The following IMMP2L variants were observed in gnomAD, a reference collection of about 807,000 sequenced individuals.
The protein encoded by IMMP2L is mitochondrial inner membrane protease subunit 2.
IMMP2L carries 18 observed loss-of-function variants against 19.3 expected under a neutral mutation model. The observed-to-expected ratio is 0.93, with a 90% CI of 0.64 to 1.38. The LOEUF is 1.38. Ranked by LOEUF, IMMP2L falls within the 40% of genes most tolerant of loss-of-function variation. The pLI, the probability that IMMP2L is intolerant of heterozygous loss-of-function variation, is 0.00. For synonymous variants in IMMP2L, 76 were observed against 73.0 expected, an observed-to-expected ratio of 1.04 and a Z score of -0.21; for missense variants, 233 against 218.2, an observed-to-expected ratio of 1.07 and a Z score of -0.43.
At chr7:111,440,129 C>A (rs565439925) in intron 3 of IMMP2L, among the ~76,000 whole-genome samples, 2 of 152,028 alleles carry the variant, frequency 1.3e-5, no homozygotes, top group East Asian at 3.9e-4. Flanking sequence ...TTAAAACCCT[C>A]AAAGGATCAA....
intron 3 of IMMP2L, among the ~76,000 whole-genome samples, chr7:111,197,355 C>A (rs557336924): frequency 6.6e-6 from 1 of 151,834 alleles, no homozygotes; most frequent in South Asian, 2.1e-4. Flanking sequence ...CCCAGCTACT[C>A]GGGAGGCTGA....
At chr7:110,666,264 CTTGTTTGTTTGT>C (rs144304704) in intron 5 of IMMP2L, among the ~76,000 whole-genome samples, 24 of 151,774 alleles carry the variant, frequency 1.6e-4, no homozygotes, top group Admixed American at 1.0e-3. Context: ...GCCTTGGTTT[CTTGTTTGTTTGT>C]TTGTTTGTTT....
rs1798085098 is a variant in IMMP2L, at chr7:110,757,179, G to T, written c.409-93458C>A. ...AAAATAAAGTCAGAAAGAGGCATAG[G>T]GAGGGAATCCAGTGTTGGAGGCAAG... On this transcript the variant is annotated intron_variant, in intron 5 of 5. Coordinates refer to ENST00000405709, the MANE Select transcript of IMMP2L (RefSeq NM_032549.4). This position sits in a 1 kb window ranked among gnomAD's most constrained non-coding sequence, Gnocchi z 4.2. Among the ~76,000 whole-genome samples, 1 of 152,014 alleles carries T rather than the reference G, an allele frequency of 6.6e-6. No individual in the cohort carries two copies. Among genetic ancestry groups the T allele is most frequent in the Admixed American group, 6.6e-5 (1 of 15,218 alleles).
chr7:111,522,945 A>G (rs1277053891), intron 1 of IMMP2L, among the ~76,000 whole-genome samples: 1 of 150,296 alleles, frequency 6.7e-6, no homozygotes, highest in Non-Finnish European at 1.5e-5. Context: ...ATATTATTTC[A>G]CCATAAAAAA....
chr7:110,824,136 T>G (rs1045436079), intron 5 of IMMP2L, among the ~76,000 whole-genome samples: 6 of 152,136 alleles, frequency 3.9e-5, no homozygotes, highest in African/African-American at 1.2e-4. Flanking sequence ...TAGTTTACAT[T>G]ATAATTATGG....
At chr7:111,016,382 A>C (rs1391401207) in intron 3 of IMMP2L, among the ~76,000 whole-genome samples, 1 of 141,670 alleles carries the variant, frequency 7.1e-6, no homozygotes, top group African/African-American at 2.6e-5. Context: ...TTTTTATATG[A>C]TATATATTTT....
chr7:111,228,428 CA>C (rs1473247384), intron 3 of IMMP2L, among the ~76,000 whole-genome samples: 4 of 150,724 alleles, frequency 2.7e-5, no homozygotes, highest in African/African-American at 9.7e-5. Context: ...TAAAAAAAAT[CA>C]AAGGTGTCAA....
At chr7:110,842,303 C>A (rs1227788550) in intron 5 of IMMP2L, among the ~76,000 whole-genome samples, 1 of 152,156 alleles carries the variant, frequency 6.6e-6, no homozygotes, top group Non-Finnish European at 1.5e-5. Flanking sequence ...TAATTAGCTC[C>A]TCTGCACTGT....
At chr7:111,417,897 C>T (rs1283254473) in intron 3 of IMMP2L, among the ~76,000 whole-genome samples, 1 of 151,790 alleles carries the variant, frequency 6.6e-6, no homozygotes, top group East Asian at 1.9e-4. Context: ...AAATCTGCAG[C>T]TGTTCTATAA....
At chr7:110,842,848 T>C (rs1174928294) in intron 5 of IMMP2L, among the ~76,000 whole-genome samples, 1 of 152,130 alleles carries the variant, frequency 6.6e-6, no homozygotes, top group Non-Finnish European at 1.5e-5. Context: ...GAAAAGAAGC[T>C]TAATTGCAGG....
At chr7:111,302,398 G>A (rs969105232) in intron 3 of IMMP2L, among the ~76,000 whole-genome samples, 1 of 152,118 alleles carries the variant, frequency 6.6e-6, no homozygotes, top group African/African-American at 2.4e-5. Flanking sequence ...ACATAGAATA[G>A]TGCTTGACGT....
chr7:110,771,481 C>A (rs1392969996), intron 5 of IMMP2L, among the ~76,000 whole-genome samples: 1 of 152,118 alleles, frequency 6.6e-6, no homozygotes, highest in African/African-American at 2.4e-5. Context: ...TGCCTGACTC[C>A]CAGCTTTGCC....
chr7:111,170,617 T>A (rs1806328489), intron 3 of IMMP2L, among the ~76,000 whole-genome samples: 1 of 151,666 alleles, frequency 6.6e-6, no homozygotes, highest in African/African-American at 2.4e-5. Flanking sequence ...GAAAAGATAA[T>A]CCTACAAATC....
chr7:111,442,562 A>AG (rs753035124), intron 3 of IMMP2L, among the ~76,000 whole-genome samples: 21 of 151,790 alleles, frequency 1.4e-4, no homozygotes, highest in Non-Finnish European at 2.4e-4. Context: ...GATGGCTACA[A>AG]GATACATCTC....
intron 5 of IMMP2L, among the ~76,000 whole-genome samples, chr7:110,831,034 A>G (rs1394016307): frequency 6.6e-6 from 1 of 152,002 alleles, no homozygotes; most frequent in Non-Finnish European, 1.5e-5. Context: ...CCTGGGGGAG[A>G]GTTCACTTCC....
intron 3 of IMMP2L, among the ~76,000 whole-genome samples, chr7:111,250,745 A>C (rs1461378036): frequency 6.6e-6 from 1 of 152,140 alleles, no homozygotes; most frequent in Non-Finnish European, 1.5e-5. Flanking sequence ...CCTTATACAA[A>C]AGGTAACTCA....
At chr7:111,458,209 T>C (rs1269099380) in intron 3 of IMMP2L, among the ~76,000 whole-genome samples, 2 of 151,958 alleles carry the variant, frequency 1.3e-5, no homozygotes, top group Non-Finnish European at 2.9e-5. Flanking sequence ...TGAAACCCCA[T>C]CTCCACCAAA....
At chr7:111,154,332 T>TA (rs1057013955) in intron 3 of IMMP2L, among the ~76,000 whole-genome samples, 3 of 152,008 alleles carry the variant, frequency 2.0e-5, no homozygotes, top group African/African-American at 7.2e-5. Flanking sequence ...ATAATAAGGG[T>TA]AGATAGGCAT....
At chr7:111,006,033 C>T (rs2129562118) in intron 3 of IMMP2L, among the ~76,000 whole-genome samples, 1 of 152,202 alleles carries the variant, frequency 6.6e-6, no homozygotes, top group South Asian at 2.1e-4. Context: ...TCCACACAGA[C>T]CTAACCTCCT....
Sources: gnomAD v4.1 joint callset for allele counts (sites outside exome capture counted in the v4.1 genomes callset) on GRCh38, gnomAD v4.1.1 for gene constraint, Gnocchi (gnomAD v3.1) non-coding constraint, MANE v1.5 for transcripts, NCBI Gene and HGNC (gene_info 2026-07-23, HGNC 2026-07-21) for gene names.